SPINT2: variants seen among roughly 807,000 people sequenced by gnomAD.
The protein encoded by SPINT2 is serine peptidase inhibitor, Kunitz type 2.
Under a neutral mutation model 30.1 loss-of-function variants are expected in SPINT2, and 18 were observed. The ratio of observed to expected loss-of-function variants is 0.60; its 90% CI spans 0.41 to 0.89. The LOEUF (loss-of-function observed/expected upper bound fraction) is 0.89. SPINT2 is among the 40% of genes least tolerant of loss of function. The pLI is 0.00. For synonymous variants in SPINT2, 139 were observed against 137.9 expected (o/e 1.01, Z -0.05); for missense variants, 276 against 334.3 (o/e 0.83, Z 1.36).
chr19:38,265,236 G>C (rs548948328), intron 1 of SPINT2: 1 of 450,740 alleles, frequency 2.2e-6, no homozygotes, highest in Admixed American at 3.6e-5. Context: ...GGTGGAGGAA[G>C]AGTCAAGGGG....
At chr19:38,265,210 A>G in intron 1 of SPINT2, 3 of 525,168 alleles carry the variant, frequency 5.7e-6, no homozygotes, top group Admixed American at 3.2e-5. Context: ...AGCGAGGGTT[A>G]GGAGAGTTTC....
In SPINT2 at chr19:38,286,297, C is replaced by T. The variant is rs1424980147; in HGVS notation, c.278-1579C>T. 2.0e-5 allele frequency among the ~76,000 whole-genome samples: 3 copies of T among 152,270 alleles called. No individual in the cohort carries two copies. The East Asian group carries it at 5.8e-4, about 30-fold the overall frequency. On this transcript the variant is annotated intron_variant, in intron 2 of 6. Transcript: ENST00000301244. ...AGGCACTCGTGTCCCCGGGCCCACG[C>T]CTTTAGTCCGCATAGGCAAGTCTCT...
Position 38,264,974 on chromosome 19 carries a change from G to A in SPINT2, c.82G>A (p.Ala28Thr). 2 of 1,534,826 alleles carry A rather than the reference G, an allele frequency of 1.3e-6. No homozygotes were observed. Among genetic ancestry groups the A allele is most frequent in the Non-Finnish European group, 1.7e-6 (2 of 1,144,940 alleles). Residue 28 changes from alanine (A) to threonine (T), a missense_variant, in exon 1 of 7, where the codon GCC becomes ACC. Physicochemically the swap from Ala to Thr is moderately conservative, Grantham distance 58. Transcript: ENST00000301244. ...GCTGCTCCTCTCTGGGGTCCTGGCG[G>A]CCGACCGAGAACGCAGCATCCACGG... ...GSLLLSGVLA[A>T]DRERSIHDFC... is the part of the protein sequence containing the mutation.
At chr19:38,291,773 G>C in intron 6 of SPINT2, 67 bp from the exon 7 acceptor site, 1 of 1,576,814 alleles carries the variant, frequency 6.3e-7, no homozygotes, top group Non-Finnish European at 8.6e-7. Context: ...CCAGGCCCTT[G>C]GTGAGCGCCA....
rs562860908 is a variant in SPINT2 at position 38,269,851 on chromosome 19, T to C, written c.106+4853T>C. Reference sequence around the variant, plus strand: ...GTCTTGATCTCCTGACCTTGTGATCTGCCCGCCTCGGCCTCCCAAAGTGCT... The same window carrying C: ...GTCTTGATCTCCTGACCTTGTGATCCGCCCGCCTCGGCCTCCCAAAGTGCT... On this transcript the variant is annotated intron_variant, in intron 1 of 6. Coordinates refer to ENST00000301244, the MANE Select transcript of SPINT2 (RefSeq NM_021102.4). Among the ~76,000 whole-genome samples, 501 of 151,536 alleles carry C rather than the reference T, an allele frequency of 3.3e-3. 1 individual carries two copies. Among genetic ancestry groups the C allele is most frequent in the African/African-American group, 0.012 (470 of 40,836 alleles).
intron 1 of SPINT2, among the ~76,000 whole-genome samples, chr19:38,279,896 C>T (rs530413350): frequency 4.3e-4 from 66 of 152,228 alleles, no homozygotes; most frequent in African/African-American, 1.4e-3. Flanking sequence ...TCAGGTGATC[C>T]GCCCACCTCA....
Position 38,290,962 on chromosome 19 carries a change from A to C in SPINT2, c.592+387A>C. 1 of 360,930 alleles carries C rather than the reference A, an allele frequency of 2.8e-6. No individual in the cohort carries two copies. The highest frequency in any genetic ancestry group is 6.9e-5 in the East Asian group (1 of 14,556). The allele number at this position is 360,930 out of a possible 1,614,324, so 22.4% of individuals were successfully genotyped here. A position where few individuals can be genotyped will look rare whatever the true frequency, so the allele number is the denominator to read the frequency against. On this transcript the variant is annotated intron_variant, in intron 6 of 6. Coordinates refer to ENST00000301244, the MANE Select transcript of SPINT2 (RefSeq NM_021102.4). The surrounding 1 kb of genome is among the most constrained non-coding windows in gnomAD (Gnocchi z 4.3). ...ACCACGGGCCAGGGTGTTTCCCAAC[A>C]CAGTCTGGTCTGAGCGGGAGGCCAG...
chr19:38,292,163 T>TCCAAA lies in SPINT2; in HGVS notation c.*157_*158insCCAAA. On this transcript the variant is annotated 3_prime_UTR_variant, in exon 7 of 7. Coordinates refer to ENST00000301244, the MANE Select transcript of SPINT2 (RefSeq NM_021102.4). ...CTTCCTGGTCTGGCAGGGATGGGTT[T>TCCAAA]GCTTTGGAAATCCTCTAGGAGGCTC... The TCCAAA allele has an allele frequency of 1.9e-6, 2 of 1,079,080 alleles. No individual in the cohort carries two copies. The highest frequency in any genetic ancestry group is 2.7e-6 in the Non-Finnish European group (2 of 748,072). 66.8% of individuals were successfully genotyped at this position (1,079,080 alleles called of 1,614,324 possible). A position where few individuals can be genotyped will look rare whatever the true frequency, so the allele number is the denominator to read the frequency against.
intron 1 of SPINT2, among the ~76,000 whole-genome samples, chr19:38,278,031 T>C (rs1968539690): frequency 6.6e-6 from 1 of 152,216 alleles, no homozygotes; most frequent in African/African-American, 2.4e-5. Flanking sequence ...AATACTATTC[T>C]AAGACCAACA....
chr19:38,277,844 A>G (rs1417468442), intron 1 of SPINT2, among the ~76,000 whole-genome samples: 1 of 152,166 alleles, frequency 6.6e-6, no homozygotes, highest in Non-Finnish European at 1.5e-5. Context: ...AAAGGCAGGA[A>G]TTCTACTTTT....
At chr19:38,279,448 G>A (rs1001345371) in intron 1 of SPINT2, among the ~76,000 whole-genome samples, 1 of 151,692 alleles carries the variant, frequency 6.6e-6, no homozygotes, top group Non-Finnish European at 1.5e-5. Context: ...AGTGAGCCGA[G>A]ATCGCACCAT....
Position 38,289,059 on chromosome 19 carries a change from G to T in SPINT2, c.338-79G>T, listed in dbSNP as rs910334084. ...AAGGCGTGTCCACACTCCTCAGTGG[G>T]CCCTTCCAGACCCAGACCCAGCTAG... On this transcript the variant is annotated intron_variant, in intron 3 of 6. Coordinates refer to ENST00000301244, the MANE Select transcript of SPINT2 (RefSeq NM_021102.4). The T allele has an allele frequency of 6.0e-6, 8 of 1,323,604 alleles. No homozygotes were observed. In the African/African-American group the frequency reaches 1.2e-4, roughly 19 times the overall value. The allele number at this position is 1,323,604 out of a possible 1,614,324, so 82.0% of individuals were successfully genotyped here. A position where few individuals can be genotyped will look rare whatever the true frequency, so the allele number is the denominator to read the frequency against.
chr19:38,276,795 TTTTA>T (rs1192651696), intron 1 of SPINT2, among the ~76,000 whole-genome samples: 1 of 152,050 alleles, frequency 6.6e-6, no homozygotes, highest in Non-Finnish European at 1.5e-5. Flanking sequence ...TATCCATATG[TTTTA>T]TTTATTAATT....
intron 1 of SPINT2, among the ~76,000 whole-genome samples, chr19:38,266,446 C>T (rs748974089): frequency 2.6e-5 from 4 of 151,672 alleles, no homozygotes; most frequent in Non-Finnish European, 4.4e-5. Flanking sequence ...GAGGCCAAGG[C>T]GGGCAGATCA....
At chr19:38,278,326 G>A (rs1297549665) in intron 1 of SPINT2, among the ~76,000 whole-genome samples, 2 of 152,230 alleles carry the variant, frequency 1.3e-5, no homozygotes, top group East Asian at 3.8e-4. Context: ...CCATCAGTCT[G>A]AAGGGTCGTG....
chr19:38,281,059 C>T (rs1332396594), intron 1 of SPINT2, among the ~76,000 whole-genome samples: 1 of 152,086 alleles, frequency 6.6e-6, no homozygotes, highest in Non-Finnish European at 1.5e-5. Flanking sequence ...TTGGGTCCCA[C>T]GTGGGTCCTC....
At chr19:38,289,991 C>A in intron 4 of SPINT2, 128 bp from the exon 5 acceptor site, 1 of 1,057,092 alleles carries the variant, frequency 9.5e-7, no homozygotes, top group Non-Finnish European at 1.4e-6. Flanking sequence ...GTGTAATTTA[C>A]AGGCTTCTTT....
At position 38,264,855 on chromosome 19, in the gene SPINT2, G is replaced by T; in HGVS notation, c.-38G>T. ...CGCACCTGATCGCGAGACCCCAACGGCTGGTGGCGTCGCCTGCGCGTCTCG... is the reference window on the plus strand; with the variant it reads ...CGCACCTGATCGCGAGACCCCAACGTCTGGTGGCGTCGCCTGCGCGTCTCG... On this transcript the variant is annotated 5_prime_UTR_variant, in exon 1 of 7. Transcript: ENST00000301244. The T allele has an allele frequency of 6.5e-7, 1 of 1,527,236 alleles. No homozygotes were observed. Among genetic ancestry groups the T allele is most frequent in the South Asian group, 1.2e-5 (1 of 83,668 alleles). The allele number at this position is 1,527,236 out of a possible 1,614,324, so 94.6% of individuals were successfully genotyped here. A position where few individuals can be genotyped will look rare whatever the true frequency, so the allele number is the denominator to read the frequency against.
intron 2 of SPINT2, among the ~76,000 whole-genome samples, chr19:38,287,440 G>C (rs1346212686): frequency 2.0e-5 from 3 of 152,032 alleles, no homozygotes; most frequent in Non-Finnish European, 4.4e-5. Context: ...CTCGCGATCT[G>C]CCCACCCTGG....
Sources: gnomAD v4.1 joint callset for allele counts (sites outside exome capture counted in the v4.1 genomes callset) on GRCh38, gnomAD v4.1.1 for gene constraint, Gnocchi (gnomAD v3.1) non-coding constraint, MANE v1.5 for transcripts, NCBI Gene and HGNC (gene_info 2026-07-23, HGNC 2026-07-21) for gene names.